HS6ST3: variants seen among roughly 807,000 people sequenced by gnomAD.
HS6ST3 encodes heparan sulfate 6-O-sulfotransferase 3.
In HS6ST3, 12 loss-of-function variants were observed where a neutral mutation model predicts 36.7. The ratio of observed to expected loss-of-function variants is 0.33; its 90% CI spans 0.21 to 0.53. HS6ST3 has a LOEUF of 0.53. Ranked by LOEUF, HS6ST3 falls within the 20% of genes least tolerant of loss-of-function variation. The pLI, the probability that HS6ST3 is intolerant of heterozygous loss-of-function variation, is 0.95. For synonymous variants in HS6ST3, 240 were observed against 257.5 expected, an observed-to-expected ratio of 0.93 and a Z score of 0.65; for missense variants, 584 against 640.9, an observed-to-expected ratio of 0.91 and a Z score of 0.96.
rs1450970024 is a variant in HS6ST3 at position 96,487,399 on chromosome 13, AGAGGATTTATAGGTAAT to A, written c.708-345089_708-345073del. Reference sequence around the variant, plus strand: ...GTTGGTCTGTGTACCTTATTTCCTTAGAGGATTTATAGGTAATGGCTTAAAAAAGTCTTAGAAAATGC... The same window carrying A: ...GTTGGTCTGTGTACCTTATTTCCTTAGGCTTAAAAAAGTCTTAGAAAATGC... On this transcript the variant is annotated intron_variant, in intron 1 of 1. Transcript: ENST00000376705. Among the ~76,000 whole-genome samples, 4 of 152,212 alleles carry A rather than the reference AGAGGATTTATAGGTAAT, an allele frequency of 2.6e-5. No homozygotes were observed. In the East Asian group the frequency reaches 7.7e-4, roughly 29 times the overall value.
chr13:96,395,603 T>C (rs979136082), intron 1 of HS6ST3, among the ~76,000 whole-genome samples: 2 of 152,148 alleles, frequency 1.3e-5, no homozygotes, highest in African/African-American at 4.8e-5. Context: ...TTTCATGTGC[T>C]CCTCCCCAGT....
intron 1 of HS6ST3, among the ~76,000 whole-genome samples, chr13:96,754,115 G>A (rs762020612): frequency 2.6e-4 from 40 of 152,178 alleles, no homozygotes; most frequent in Admixed American, 1.1e-3. Context: ...CACTGCACCC[G>A]GCAAAAATGT....
chr13:96,295,146 A>G (rs1407868125), intron 1 of HS6ST3, among the ~76,000 whole-genome samples: 9 of 152,152 alleles, frequency 5.9e-5, no homozygotes, highest in Non-Finnish European at 1.0e-4. Context: ...CCAGATGGCC[A>G]TGGCTAGGTA....
chr13:96,575,650 C>T (rs950227459), intron 1 of HS6ST3, among the ~76,000 whole-genome samples: 4 of 152,212 alleles, frequency 2.6e-5, no homozygotes, highest in Admixed American at 6.5e-5. Context: ...ATCTTCACCC[C>T]ACCAGGGCAA....
chr13:96,114,103 G>A (rs1012188469), intron 1 of HS6ST3, among the ~76,000 whole-genome samples: 2 of 151,798 alleles, frequency 1.3e-5, no homozygotes, highest in Non-Finnish European at 2.9e-5. Flanking sequence ...TTGTGAAAAT[G>A]TGGGTAATTT....
intron 1 of HS6ST3, among the ~76,000 whole-genome samples, chr13:96,538,773 C>T (rs1391741093): frequency 6.6e-6 from 1 of 152,164 alleles, no homozygotes; most frequent in African/African-American, 2.4e-5. Flanking sequence ...TCAGAAGTAT[C>T]TATACTGCAT....
chr13:96,285,749 A>G (rs371244223), intron 1 of HS6ST3, among the ~76,000 whole-genome samples: 2 of 152,084 alleles, frequency 1.3e-5, no homozygotes, highest in African/African-American at 2.4e-5. Flanking sequence ...CAAAAAGGGG[A>G]ATTTCTGTGC....
At chr13:96,524,022 G>T (rs1403045457) in intron 1 of HS6ST3, among the ~76,000 whole-genome samples, 1 of 152,134 alleles carries the variant, frequency 6.6e-6, no homozygotes. Flanking sequence ...TTTGATGTTG[G>T]TGACCTACGG....
chr13:96,673,965 T>C (rs2056690682), intron 1 of HS6ST3, among the ~76,000 whole-genome samples: 2 of 152,178 alleles, frequency 1.3e-5, no homozygotes, highest in African/African-American at 4.8e-5. Flanking sequence ...TCTGGATATT[T>C]GCTTATATTT....
chr13:96,098,669 A>ATAAAT (rs1320005834), intron 1 of HS6ST3, among the ~76,000 whole-genome samples: 1 of 151,302 alleles, frequency 6.6e-6, no homozygotes, highest in Non-Finnish European at 1.5e-5. Flanking sequence ...AAATAAATAA[A>ATAAAT]TAAAATAAAA....
intron 1 of HS6ST3, among the ~76,000 whole-genome samples, chr13:96,098,935 A>G (rs546403867): frequency 6.6e-6 from 1 of 152,034 alleles, no homozygotes; most frequent in African/African-American, 2.4e-5. Flanking sequence ...TCATGCATAT[A>G]TGTTTGTTGT....
intron 1 of HS6ST3, among the ~76,000 whole-genome samples, chr13:96,562,088 C>T (rs2056264367): frequency 6.6e-6 from 1 of 152,226 alleles, no homozygotes; most frequent in Non-Finnish European, 1.5e-5. Flanking sequence ...GTATGTTCAT[C>T]GCAAAATTAT....
intron 1 of HS6ST3, among the ~76,000 whole-genome samples, chr13:96,458,337 G>C (rs1443855154): frequency 6.6e-6 from 1 of 152,166 alleles, no homozygotes; most frequent in Non-Finnish European, 1.5e-5. Flanking sequence ...GAAAGACGAA[G>C]TGTATGGATT....
chr13:96,410,883 T>A (rs887941174), intron 1 of HS6ST3, among the ~76,000 whole-genome samples: 1 of 152,178 alleles, frequency 6.6e-6, no homozygotes, highest in Non-Finnish European at 1.5e-5. Flanking sequence ...TTCCCTACAC[T>A]TTAGAAGTGA....
At chr13:96,613,255 T>C (rs1367904339) in intron 1 of HS6ST3, among the ~76,000 whole-genome samples, 1 of 152,342 alleles carries the variant, frequency 6.6e-6, no homozygotes, top group East Asian at 1.9e-4. Flanking sequence ...ACTTTACAAA[T>C]GTTAACTCAT....
chr13:96,620,517 G>A (rs1483591501), intron 1 of HS6ST3, among the ~76,000 whole-genome samples: 1 of 152,168 alleles, frequency 6.6e-6, no homozygotes, highest in Non-Finnish European at 1.5e-5. Context: ...TCATTTCATA[G>A]TTCAAGGTTG....
At chr13:96,611,988 T>C (rs1594818197) in intron 1 of HS6ST3, among the ~76,000 whole-genome samples, 1 of 152,160 alleles carries the variant, frequency 6.6e-6, no homozygotes, top group Non-Finnish European at 1.5e-5. Context: ...TGGAGGCTGG[T>C]AGACAGTTAG....
chr13:96,378,916 T>G (rs2055327391), intron 1 of HS6ST3, among the ~76,000 whole-genome samples: 1 of 152,176 alleles, frequency 6.6e-6, no homozygotes, highest in African/African-American at 2.4e-5. Flanking sequence ...CTGCAGCTGG[T>G]TCATCTCCAA....
chr13:96,355,938 A>T (rs548111585), intron 1 of HS6ST3, among the ~76,000 whole-genome samples: 22 of 152,292 alleles, frequency 1.4e-4, no homozygotes, highest in African/African-American at 5.1e-4. Flanking sequence ...CATTGTCATT[A>T]CAACAATGTT....
Sources: gnomAD v4.1 joint callset for allele counts (sites outside exome capture counted in the v4.1 genomes callset) on GRCh38, gnomAD v4.1.1 for gene constraint, MANE v1.5 for transcripts, NCBI Gene and HGNC (gene_info 2026-07-23, HGNC 2026-07-21) for gene names.